SPAG16: variants seen among roughly 807,000 people sequenced by gnomAD.
The protein encoded by SPAG16 is sperm-associated antigen 16 protein.
A neutral mutation model predicts 80.4 loss-of-function variants in SPAG16; 86 were observed. The ratio of observed to expected loss-of-function variants is 1.07; its 90% CI spans 0.90 to 1.28. SPAG16 has a LOEUF of 1.28. Ranked by LOEUF, SPAG16 falls within the 50% of genes most tolerant of loss-of-function variation. SPAG16 has a pLI of 0.00. For missense variants in SPAG16, 870 were observed against 765.3 expected (o/e 1.14, Z -1.61); for synonymous variants, 294 against 265.9 (o/e 1.11, Z -1.03).
In SPAG16 at chr2:214,152,588, G is replaced by T. The variant is rs971879866; in HGVS notation, c.1720+3322G>T. Among the ~76,000 whole-genome samples, 11 of 152,296 alleles carry T rather than the reference G, an allele frequency of 7.2e-5. No homozygotes were observed. The Middle Eastern group carries it at 0.01, about 142-fold the overall frequency. The stretch of plus-strand genomic sequence containing the variant: ...TCCCTGTGTGCGGCGACGAGAGAGT[G>T]TAGAAATAAAGACACAAGACAAGGA... On this transcript the variant is annotated intron_variant, in intron 15 of 15. Coordinates refer to ENST00000331683, the MANE Select transcript of SPAG16 (RefSeq NM_024532.5).
chr2:213,629,921 C>T (rs963206384), intron 10 of SPAG16, among the ~76,000 whole-genome samples: 12 of 152,224 alleles, frequency 7.9e-5, no homozygotes, highest in African/African-American at 2.7e-4. Context: ...GGACCTCTGA[C>T]CCTCTGGCTT....
Position 213,877,013 on chromosome 2 carries a change from A to G in SPAG16, c.1214+14385A>G, listed in dbSNP as rs545750752. ...GCCAAAGATTTCTCTGCTTAACTAT[A>G]TAGTTAAGTCTTTTCAACTATTTTG... is the stretch of plus-strand genomic sequence containing the variant. On this transcript the variant is annotated intron_variant, in intron 11 of 15. Coordinates refer to ENST00000331683, the MANE Select transcript of SPAG16 (RefSeq NM_024532.5). 1.5e-4 allele frequency among the ~76,000 whole-genome samples: 23 copies of G among 152,324 alleles called. 3 individuals are homozygous for G. The South Asian group carries it at 4.8e-3, about 32-fold the overall frequency.
At chr2:213,928,055 G>A (rs2078568687) in intron 11 of SPAG16, among the ~76,000 whole-genome samples, 1 of 152,100 alleles carries the variant, frequency 6.6e-6, no homozygotes, top group South Asian at 2.1e-4. Context: ...TTTTCAGATA[G>A]TCAAATTTGA....
chr2:214,050,792 C>T (rs1274253504), intron 13 of SPAG16, among the ~76,000 whole-genome samples: 1 of 152,150 alleles, frequency 6.6e-6, no homozygotes, highest in Non-Finnish European at 1.5e-5. Context: ...ACTATTTCTT[C>T]TCCTGAGTTA....
intron 12 of SPAG16, among the ~76,000 whole-genome samples, chr2:213,937,616 G>A (rs1444433371): frequency 6.6e-6 from 1 of 151,858 alleles, no homozygotes; most frequent in African/African-American, 2.4e-5. Context: ...GCACAAAAAA[G>A]TGAAGAAAAC....
At chr2:213,504,559 A>T (rs996175721) in intron 10 of SPAG16, among the ~76,000 whole-genome samples, 14 of 152,144 alleles carry the variant, frequency 9.2e-5, no homozygotes, top group African/African-American at 3.1e-4. Flanking sequence ...TTAGAAGATA[A>T]AGAAGGCTTG....
At chr2:213,864,773 T>C (rs754918923) in intron 11 of SPAG16, among the ~76,000 whole-genome samples, 1 of 151,994 alleles carries the variant, frequency 6.6e-6, no homozygotes, top group Non-Finnish European at 1.5e-5. Context: ...TGTTTGGGGG[T>C]CAATTATTCT....
At chr2:213,922,624 T>C (rs1458300721) in intron 11 of SPAG16, among the ~76,000 whole-genome samples, 5 of 152,220 alleles carry the variant, frequency 3.3e-5, no homozygotes, top group African/African-American at 1.2e-4. Context: ...GTTGTCAGAG[T>C]TCTTTCACTG....
intron 10 of SPAG16, among the ~76,000 whole-genome samples, chr2:213,580,895 T>TTG (rs199592791): frequency 1.4e-4 from 21 of 151,970 alleles, no homozygotes; most frequent in East Asian, 3.9e-4. Context: ...TATCATTGTT[T>TTG]TGTGTGTGTG....
intron 9 of SPAG16, among the ~76,000 whole-genome samples, chr2:213,375,426 A>G (rs906346573): frequency 6.6e-6 from 1 of 151,944 alleles, no homozygotes; most frequent in Non-Finnish European, 1.5e-5. Context: ...TCTAAAAGAA[A>G]TCACTCCCAG....
intron 10 of SPAG16, among the ~76,000 whole-genome samples, chr2:213,606,882 G>A (rs913215858): frequency 1.3e-5 from 2 of 152,116 alleles, no homozygotes; most frequent in Non-Finnish European, 2.9e-5. Flanking sequence ...AAACAATGGC[G>A]AATAATCTAC....
At chr2:213,771,964 A>AT (rs1009321707) in intron 10 of SPAG16, among the ~76,000 whole-genome samples, 9 of 151,810 alleles carry the variant, frequency 5.9e-5, no homozygotes, top group African/African-American at 1.5e-4. Context: ...GTTTTAAAGT[A>AT]TTTTTTTTCT....
At chr2:213,293,223 C>A (rs989917820) in intron 1 of SPAG16, among the ~76,000 whole-genome samples, 1 of 152,156 alleles carries the variant, frequency 6.6e-6, no homozygotes, top group Admixed American at 6.5e-5. Context: ...TTGTAAGTTT[C>A]CTGAGGTATC....
chr2:214,051,568 A>G lies in SPAG16; in HGVS notation c.1527+37491A>G, dbSNP rs987530934. ...GCTAACTTTCATGTTGCTTTTCTAA[A>G]TTATGCACTACCCCTGCTGTCTGTC... On this transcript the variant is annotated intron_variant, in intron 13 of 15. Transcript: ENST00000331683. Among the ~76,000 whole-genome samples, 3 of 152,244 alleles carry G rather than the reference A, an allele frequency of 2.0e-5. No homozygotes were observed. In the South Asian group the frequency reaches 6.2e-4, roughly 32 times the overall value.
chr2:213,444,189 AAC>A (rs1216025491), intron 9 of SPAG16, among the ~76,000 whole-genome samples: 1 of 152,176 alleles, frequency 6.6e-6, no homozygotes, highest in Admixed American at 6.5e-5. Context: ...AGGAACTGTA[AAC>A]CTTGGGGCTC....
chr2:213,658,303 CT>C (rs1459350094), intron 10 of SPAG16, among the ~76,000 whole-genome samples: 1 of 152,158 alleles, frequency 6.6e-6, no homozygotes, highest in South Asian at 2.1e-4. Context: ...TCCTCCCCTT[CT>C]GCTATCAACT....
chr2:214,214,005 G>A (rs2058361947), intron 15 of SPAG16, among the ~76,000 whole-genome samples: 1 of 152,050 alleles, frequency 6.6e-6, no homozygotes, highest in Non-Finnish European at 1.5e-5. Context: ...AGTGCCTTTT[G>A]TGATAGAACT....
chr2:213,849,555 C>T (rs2074803240), intron 10 of SPAG16, among the ~76,000 whole-genome samples: 3 of 152,232 alleles, frequency 2.0e-5, no homozygotes, highest in Non-Finnish European at 4.4e-5. Context: ...ACAATAATCA[C>T]ATTGGCTTGG....
chr2:213,905,886 C>T (rs1214284100), intron 11 of SPAG16, among the ~76,000 whole-genome samples: 1 of 152,102 alleles, frequency 6.6e-6, no homozygotes, highest in Admixed American at 6.6e-5. Context: ...GTAGCAGAGG[C>T]AGAGAATGTG....
Sources: gnomAD v4.1 joint callset for allele counts (sites outside exome capture counted in the v4.1 genomes callset) on GRCh38, gnomAD v4.1.1 for gene constraint, MANE v1.5 for transcripts, NCBI Gene and HGNC (gene_info 2026-07-23, HGNC 2026-07-21) for gene names.